The following AUTS2 variants were observed in gnomAD, a reference collection of about 807,000 sequenced individuals.
AUTS2 encodes autism susceptibility gene 2 protein.
Under a neutral mutation model 112.4 loss-of-function variants are expected in AUTS2, and 17 were observed. The observed-to-expected ratio is 0.15, with a 90% CI of 0.10 to 0.23. AUTS2 has a LOEUF of 0.23. Among genes scored for constraint, AUTS2 ranks in the 10% least tolerant of loss-of-function variants. AUTS2 has a pLI of 1.00. For synonymous variants in AUTS2, 751 were observed against 702.7 expected (o/e 1.07, Z -1.09); for missense variants, 1,510 against 1,701.6 (o/e 0.89, Z 1.98).
chr7:70,396,973 G>A (rs1047440592), intron 4 of AUTS2, among the ~76,000 whole-genome samples: 13 of 152,056 alleles, frequency 8.5e-5, no homozygotes, highest in African/African-American at 2.7e-4. Context: ...TGGTTGTACC[G>A]TCTTACATTT....
intron 4 of AUTS2, among the ~76,000 whole-genome samples, chr7:70,255,149 C>T (rs974643545): frequency 2.0e-5 from 3 of 148,978 alleles, no homozygotes; most frequent in African/African-American, 7.4e-5. Context: ...TCTTGGCTCA[C>T]TGCAACCTAT....
intron 1 of AUTS2, among the ~76,000 whole-genome samples, chr7:69,807,533 C>T (rs997093007): frequency 9.2e-5 from 14 of 152,104 alleles, no homozygotes; most frequent in African/African-American, 3.1e-4. Flanking sequence ...CATTGCTCTT[C>T]CTTAGAGACC....
intron 4 of AUTS2, among the ~76,000 whole-genome samples, chr7:70,174,198 A>G (rs574630188): frequency 2.0e-5 from 3 of 152,346 alleles, no homozygotes; most frequent in East Asian, 1.9e-4. Context: ...GATATGGAGA[A>G]ATTTTAGGAG....
At chr7:69,964,593 A>G (rs1180322988) in intron 2 of AUTS2, among the ~76,000 whole-genome samples, 1 of 151,946 alleles carries the variant, frequency 6.6e-6, no homozygotes, top group African/African-American at 2.4e-5. Flanking sequence ...TAGAATATCC[A>G]TAAAGCCTAT....
chr7:70,067,410 T>C (rs1016107198), intron 2 of AUTS2, among the ~76,000 whole-genome samples: 10 of 152,236 alleles, frequency 6.6e-5, no homozygotes, highest in Non-Finnish European at 4.4e-5. Context: ...TACTAACTTC[T>C]GGGAAAAATA....
At chr7:69,671,482 TGCTG>T (rs1315446698) in intron 1 of AUTS2, among the ~76,000 whole-genome samples, 1 of 133,202 alleles carries the variant, frequency 7.5e-6, no homozygotes, top group Non-Finnish European at 1.6e-5. Flanking sequence ...CTGCTGCTGC[TGCTG>T]GTGTGTGTGT....
chr7:69,872,831 A>ATTTTTTTTTTTTTTTTTTTTTTTTTT (rs1793558367), intron 1 of AUTS2, among the ~76,000 whole-genome samples: 1 of 90,536 alleles, frequency 1.1e-5, no homozygotes, highest in Non-Finnish European at 2.2e-5. Flanking sequence ...TGTAGCCTAT[A>ATTTTTTTTTTTTTTTTTTTTTTTTTT]TTCTTTTTTT....
At chr7:70,777,629 C>A (rs1029056679) in intron 14 of AUTS2, among the ~76,000 whole-genome samples, 2 of 152,182 alleles carry the variant, frequency 1.3e-5, no homozygotes, top group African/African-American at 4.8e-5. Flanking sequence ...CAAGTCACAG[C>A]AGCCAGCTCA....
rs1366809153 is a variant in AUTS2, at chr7:70,775,343, T to G, written c.1903-14T>G. The G allele has an allele frequency of 6.2e-7, 1 of 1,611,796 alleles. No homozygotes were observed. ...TGACAGGCATGTAACCAAGTTGTCATTTTCTCTTCACAGTTGACAGATCCT... is the reference window on the plus strand; with the variant it reads ...TGACAGGCATGTAACCAAGTTGTCAGTTTCTCTTCACAGTTGACAGATCCT... On this transcript the variant is annotated splice_polypyrimidine_tract_variant and intron_variant, in intron 12 of 18. Transcript: ENST00000342771.
chr7:69,901,681 T>A (rs938731745), intron 2 of AUTS2, among the ~76,000 whole-genome samples: 1 of 152,210 alleles, frequency 6.6e-6, no homozygotes, highest in African/African-American at 2.4e-5. Flanking sequence ...GTAAAACTTT[T>A]AAAAACAAGG....
chr7:69,664,285 A>G (rs2129146563), intron 1 of AUTS2, among the ~76,000 whole-genome samples: 1 of 152,360 alleles, frequency 6.6e-6, no homozygotes, highest in South Asian at 2.1e-4. Flanking sequence ...AGAGAATGCA[A>G]GAAAAACCAG....
At chr7:70,503,455 A>G (rs1798842905) in intron 5 of AUTS2, among the ~76,000 whole-genome samples, 1 of 151,158 alleles carries the variant, frequency 6.6e-6, no homozygotes, top group African/African-American at 2.4e-5. Context: ...AATCCCAGCT[A>G]CTTGAGAGGT....
At chr7:70,261,819 C>A (rs1412121168) in intron 4 of AUTS2, among the ~76,000 whole-genome samples, 1 of 152,176 alleles carries the variant, frequency 6.6e-6, no homozygotes, top group Non-Finnish European at 1.5e-5. Context: ...GGAAAGCAGA[C>A]CCCTGGCCTC....
intron 5 of AUTS2, among the ~76,000 whole-genome samples, chr7:70,439,538 CAAAAAAAAAAAA>C (rs71077657): frequency 4.1e-5 from 3 of 73,308 alleles, no homozygotes; most frequent in African/African-American, 6.1e-5. Context: ...GACTCCATCT[CAAAAAAAAAAAA>C]AAAAAAAAAA....
chr7:69,943,918 G>A (rs971520487), intron 2 of AUTS2, among the ~76,000 whole-genome samples: 1 of 152,194 alleles, frequency 6.6e-6, no homozygotes, highest in African/African-American at 2.4e-5. Flanking sequence ...CAGTCAAAAC[G>A]AGTGTACAAA....
intron 5 of AUTS2, among the ~76,000 whole-genome samples, chr7:70,448,770 C>G (rs1243812899): frequency 2.0e-5 from 3 of 152,176 alleles, no homozygotes; most frequent in Admixed American, 2.0e-4. Flanking sequence ...GCAAGGAGGC[C>G]TACTTTAAGA....
At chr7:70,768,287 T>C (rs964280899) in intron 10 of AUTS2, among the ~76,000 whole-genome samples, 3 of 152,198 alleles carry the variant, frequency 2.0e-5, no homozygotes, top group African/African-American at 7.2e-5. Context: ...TCCAAAGGCT[T>C]GAAAGCAGAG....
intron 4 of AUTS2, among the ~76,000 whole-genome samples, chr7:70,406,272 T>C (rs1045716731): frequency 2.0e-5 from 3 of 152,118 alleles, no homozygotes; most frequent in African/African-American, 7.2e-5. Flanking sequence ...TCCCCCTGTT[T>C]CCCTGCAATG....
At chr7:69,643,032 T>C (rs1794860602) in intron 1 of AUTS2, among the ~76,000 whole-genome samples, 1 of 152,176 alleles carries the variant, frequency 6.6e-6, no homozygotes, top group Non-Finnish European at 1.5e-5. Flanking sequence ...AAGCATAAGC[T>C]ACTGAGCCCA....
Sources: allele counts gnomAD v4.1 joint callset (sites outside exome capture counted in the v4.1 genomes callset), GRCh38; gene constraint gnomAD v4.1.1; transcripts MANE v1.5; gene names NCBI Gene and HGNC (gene_info 2026-07-23, HGNC 2026-07-21).